Variants in ZBED5 observed in about 807,000 individuals in gnomAD.
ZBED5 encodes zinc finger BED domain-containing protein 5.
A neutral mutation model predicts 49.2 loss-of-function variants in ZBED5; 29 were observed. The ratio of observed to expected loss-of-function variants is 0.59; its 90% confidence interval spans 0.44 to 0.80. ZBED5 has a LOEUF of 0.80. Ranked by LOEUF, ZBED5 falls within the 30% of genes least tolerant of loss-of-function variation. ZBED5 has a pLI of 0.00. For synonymous variants in ZBED5, 281 were observed against 292.5 expected, an observed-to-expected ratio of 0.96 and a Z score of 0.40; for missense variants, 775 against 812.9, an observed-to-expected ratio of 0.95 and a Z score of 0.57.
rs1462358271 is a variant in ZBED5 at position 10,854,434 on chromosome 11, T to C, written c.512A>G (p.His171Arg). 5.2e-6 allele frequency: 8 copies of C among 1,551,478 alleles called. No individual in the cohort carries two copies. In the African/African-American group the frequency reaches 5.5e-5, roughly 11 times the overall value. Residue 171 changes from histidine (H) to arginine (R), a missense_variant, in exon 3 of 3, where the codon CAT (histidine) becomes CGT (arginine). By Grantham distance (29) the His-to-Arg change is conservative. Transcript: ENST00000413761. The surrounding 1 kb of genome is among the most constrained non-coding windows in gnomAD (Gnocchi z 5.0). ...TTTATTATTTTCAGGTGAATCGAGATGTTGCTTGAAAAAGCTTATGTCTTT... is the reference window on the plus strand; with the variant it reads ...TTTATTATTTTCAGGTGAATCGAGACGTTGCTTGAAAAAGCTTATGTCTTT... Reference protein sequence around the residue: ...KDKDISFFKQHLDSPENNKPP... With the variant: ...KDKDISFFKQRLDSPENNKPP...
chr11:10,852,760 T>A lies in ZBED5; in HGVS notation c.*104A>T, dbSNP rs532567827. 8 of 1,402,438 alleles carry A rather than the reference T, an allele frequency of 5.7e-6. No individual in the cohort carries two copies. The highest frequency in any genetic ancestry group is 3.0e-5 in the Admixed American group (1 of 33,600). The allele number at this position is 1,402,438 out of a possible 1,614,324, so 86.9% of individuals were successfully genotyped here. ...TTAAAATCTAAATAGTATAAAAAAA[T>A]GGAATCATTTTATTTAAATCCCCCA... is the stretch of plus-strand genomic sequence containing the variant. On this transcript the variant is annotated 3_prime_UTR_variant, in exon 3 of 3. Coordinates refer to ENST00000413761, the MANE Select transcript of ZBED5 (RefSeq NM_001143667.2).
At position 10,852,940 on chromosome 11, in the gene ZBED5, C is replaced by A; in HGVS notation, c.2006G>T (p.Arg669Leu). 1 of 1,551,466 alleles carries A rather than the reference C, an allele frequency of 6.4e-7. No individual in the cohort carries two copies. The highest frequency in any genetic ancestry group is 8.7e-7 in the Non-Finnish European group (1 of 1,146,858). ...RKRLDAAPHM[R>L]IRLSNITPNI... The stretch of plus-strand genomic sequence containing the variant: ...AGGTGTAATATTGCTAAGTCGGATT[C>A]GCATATGAGGTGCAGCATCAAGTCT... Residue 669 changes from arginine (R) to leucine (L), a missense_variant, in exon 3 of 3, where the codon CGA (arginine) becomes CTA (leucine). Arg to Leu is a moderately radical substitution (Grantham distance 102). Coordinates refer to ENST00000413761, the MANE Select transcript of ZBED5 (RefSeq NM_001143667.2).
Position 10,854,011 on chromosome 11 carries a change from TGCAAA to T in ZBED5, c.930_934del (p.Leu311LysfsTer2). On this transcript the variant is annotated frameshift_variant, in exon 3 of 3. Coordinates refer to ENST00000413761, the MANE Select transcript of ZBED5 (RefSeq NM_001143667.2). LOFTEE classifies it high-confidence loss of function. The surrounding 1 kb of genome is among the most constrained non-coding windows in gnomAD (Gnocchi z 5.0). ...TATTTCTTCACCGGTAGCATTACTTTGCAAAGATTCACACAGGAGTAGGTCTTCCT... is the reference window on the plus strand; with the variant it reads ...TATTTCTTCACCGGTAGCATTACTTTGATTCACACAGGAGTAGGTCTTCCT... 1 of 1,551,538 alleles carries T rather than the reference TGCAAA, an allele frequency of 6.4e-7. No individual in the cohort carries two copies.
rs1334139842 is a variant in ZBED5 at position 10,857,063 on chromosome 11, C to CA, written c.-256+798dup. On this transcript the variant is annotated intron_variant, in intron 1 of 2. Transcript: ENST00000413761. This position sits in a 1 kb window ranked among gnomAD's most constrained non-coding sequence, Gnocchi z 6.3. ...ATAAAGCCCTGCTTCTTATTGGGAG[C>CA]AAAAAAGCAGATTCTCCTTCCACAG... Among the ~76,000 whole-genome samples, 2 of 152,094 alleles carry CA rather than the reference C, an allele frequency of 1.3e-5. No individual in the cohort carries two copies. The highest frequency in any genetic ancestry group is 2.4e-5 in the African/African-American group (1 of 41,416).
Position 10,853,931 on chromosome 11 carries a change from C to T in ZBED5, c.1015G>A (p.Val339Ile), listed in dbSNP as rs1848139717. 1.3e-6 allele frequency: 2 copies of T among 1,551,444 alleles called. No homozygotes were observed. Among genetic ancestry groups the T allele is most frequent in the South Asian group, 2.4e-5 (2 of 84,062 alleles). Residue 339 changes from valine to isoleucine, a missense_variant, in exon 3 of 3, where the codon GTT becomes ATT. Physicochemically the swap from Val to Ile is conservative, Grantham distance 29. Coordinates refer to ENST00000413761, the MANE Select transcript of ZBED5 (RefSeq NM_001143667.2). This position sits in a 1 kb window ranked among gnomAD's most constrained non-coding sequence, Gnocchi z 5.4. ...QKHEIEWEKC[V>I]DVCSDASRAV... is the part of the protein sequence containing the mutation. The stretch of plus-strand genomic sequence containing the variant: ...CTAGAAGCATCACTACAAACATCAA[C>T]ACATTTTTCCCATTCAATTTCATGT...
chr11:10,854,585 A>C lies in ZBED5; in HGVS notation c.361T>G (p.Tyr121Asp). The C allele has an allele frequency of 3.2e-6, 5 of 1,551,288 alleles. No individual in the cohort carries two copies. Among genetic ancestry groups the C allele is most frequent in the Non-Finnish European group, 4.4e-6 (5 of 1,146,852 alleles). Reference sequence around the variant, plus strand: ...TGAGGTGCATCTCTATTTCCGAAGTAAGTAAATCCAAAAGACAAATAACTT... The same window carrying C: ...TGAGGTGCATCTCTATTTCCGAAGTCAGTAAATCCAAAAGACAAATAACTT... Reference protein sequence around the residue: ...DESYLSFGFTYFGNRDAPHAQ... With the variant: ...DESYLSFGFTDFGNRDAPHAQ... The change falls in exon 3 of 3, where the codon TAC (tyrosine) becomes GAC (aspartate). Residue 121 changes from tyrosine (Y) to aspartate (D), a missense_variant. Physicochemically the swap from Tyr to Asp is radical, Grantham distance 160. Coordinates refer to ENST00000413761, the MANE Select transcript of ZBED5 (RefSeq NM_001143667.2). This position sits in a 1 kb window ranked among gnomAD's most constrained non-coding sequence, Gnocchi z 5.0.
rs958593124 is a variant in ZBED5, at chr11:10,853,542, T to C, written c.1404A>G (p.Ser468=). The stretch of plus-strand genomic sequence containing the variant: ...GATATGCAAGTCTTAGCAGCCAAGA[T>C]GAATTTGTTAAACAATCAGATAGTC... ...AFRLSDCLTN[S]SWLLRLAYLA... is the part of the protein sequence containing the mutation. The change falls in exon 3 of 3, where the codon TCA becomes TCG. Residue 468 remains serine, a synonymous_variant. Coordinates refer to ENST00000413761, the MANE Select transcript of ZBED5 (RefSeq NM_001143667.2). The surrounding 1 kb of genome is among the most constrained non-coding windows in gnomAD (Gnocchi z 5.4). The C allele has an allele frequency of 1.3e-6, 2 of 1,549,824 alleles. No individual in the cohort carries two copies. Among genetic ancestry groups the C allele is most frequent in the Admixed American group, 2.0e-5 (1 of 50,722 alleles).
chr11:10,856,303 A>C (rs781243620), intron 1 of ZBED5, 46 bp from the exon 2 acceptor site: 1 of 152,236 alleles, frequency 6.6e-6, no homozygotes, highest in Non-Finnish European at 1.5e-5. Flanking sequence ...AAGCAGAACT[A>C]ACTATAAACC....
Position 10,854,523 on chromosome 11 carries a change from A to G in ZBED5, c.423T>C (p.Asn141=). Residue 141 remains asparagine (N), a synonymous_variant, in exon 3 of 3, where the codon AAT becomes AAC. Transcript: ENST00000413761. The surrounding 1 kb of genome is among the most constrained non-coding windows in gnomAD (Gnocchi z 5.0). ...QCVLCKKILS[N]SSLAPSKLRR... The stretch of plus-strand genomic sequence containing the variant: ...GAAGCTTACTAGGGGCTAAAGAGCT[A>G]TTTGATAAAATTTTCTTACATAATA... 2 of 1,551,568 alleles carry G rather than the reference A, an allele frequency of 1.3e-6. No homozygotes were observed. The highest frequency in any genetic ancestry group is 8.7e-7 in the Non-Finnish European group (1 of 1,146,934).
Position 10,853,036 on chromosome 11 carries a change from G to A in ZBED5, c.1910C>T (p.Pro637Leu). The change falls in exon 3 of 3, where the codon CCT (proline) becomes CTT (leucine). Residue 637 changes from proline to leucine, a missense_variant. Transcript: ENST00000413761. This position sits in a 1 kb window ranked among gnomAD's most constrained non-coding sequence, Gnocchi z 5.4. ...IARRAVRVLL[P>L]FATMHLCETG... is the part of the protein sequence containing the mutation. ...TTCACACAGGTGCATTGTAGCAAAA[G>A]GAAGAAGTACACGCACTGCACGCCT... 6.4e-7 allele frequency: 1 copy of A among 1,551,630 alleles called. No individual in the cohort carries two copies. Among genetic ancestry groups the A allele is most frequent in the Non-Finnish European group, 8.7e-7 (1 of 1,146,942 alleles).
chr11:10,853,030 G>A lies in ZBED5; in HGVS notation c.1916C>T (p.Ala639Val). Residue 639 changes from alanine to valine, a missense_variant, in exon 3 of 3, where the codon GCT (alanine) becomes GTT (valine). Physicochemically the swap from Ala to Val is moderately conservative, Grantham distance 64. Transcript: ENST00000413761. The surrounding 1 kb of genome is among the most constrained non-coding windows in gnomAD (Gnocchi z 5.4). ...CCCCGTTTCACACAGGTGCATTGTA[G>A]CAAAAGGAAGAAGTACACGCACTGC... is the stretch of plus-strand genomic sequence containing the variant. ...RRAVRVLLPF[A>V]TMHLCETGFS... is the part of the protein sequence containing the mutation. 6.4e-7 allele frequency: 1 copy of A among 1,551,630 alleles called. No individual in the cohort carries two copies. The highest frequency in any genetic ancestry group is 8.7e-7 in the Non-Finnish European group (1 of 1,146,946).
chr11:10,856,888 A>C (rs1848189137), intron 1 of ZBED5, among the ~76,000 whole-genome samples: 2 of 152,218 alleles, frequency 1.3e-5, no homozygotes, highest in Admixed American at 1.3e-4. Context: ...TGCATAGCCC[A>C]TGTGTCTAGC....
chr11:10,854,383 G>T lies in ZBED5; in HGVS notation c.563C>A (p.Thr188Lys), dbSNP rs1283935437. The change falls in exon 3 of 3, where the codon ACA becomes AAA. Residue 188 changes from threonine (T) to lysine (K), a missense_variant. By Grantham distance (78) the Thr-to-Lys change is moderately conservative (BLOSUM62 -1). Coordinates refer to ENST00000413761, the MANE Select transcript of ZBED5 (RefSeq NM_001143667.2). The surrounding 1 kb of genome is among the most constrained non-coding windows in gnomAD (Gnocchi z 5.0). ...TGCTTCTGTAGCACTTTCATTATCT[G>T]TATTCACAATTTTAGGTGTTGGGGG... Reference protein sequence around the residue: ...NKPPTPKIVNTDNESATEASY... With the variant: ...NKPPTPKIVNKDNESATEASY... 5 of 1,550,898 alleles carry T rather than the reference G, an allele frequency of 3.2e-6. No individual in the cohort carries two copies. The highest frequency in any genetic ancestry group is 1.4e-5 in the African/African-American group (1 of 73,016).
In ZBED5 at chr11:10,854,998, C is replaced by G; in HGVS notation, c.-53G>C. On this transcript the variant is annotated 5_prime_UTR_variant, in exon 3 of 3. The change abolishes an upstream ATG in the 5' untranslated region. Coordinates refer to ENST00000413761, the MANE Select transcript of ZBED5 (RefSeq NM_001143667.2). This position sits in a 1 kb window ranked among gnomAD's most constrained non-coding sequence, Gnocchi z 5.0. ...AGTTAATTTGTAAATGCTGCCTATTCATCAATGCGCAGATGGAACATCATA... is the reference window on the plus strand; with the variant it reads ...AGTTAATTTGTAAATGCTGCCTATTGATCAATGCGCAGATGGAACATCATA... 6.6e-7 allele frequency: 1 copy of G among 1,511,974 alleles called. No individual in the cohort carries two copies. Among genetic ancestry groups the G allele is most frequent in the Non-Finnish European group, 8.9e-7 (1 of 1,126,782 alleles). The allele number at this position is 1,511,974 out of a possible 1,614,324, so 93.7% of individuals were successfully genotyped here.
chr11:10,854,800 A>G lies in ZBED5; in HGVS notation c.146T>C (p.Val49Ala). 1 of 1,552,084 alleles carries G rather than the reference A, an allele frequency of 6.4e-7. No homozygotes were observed. The highest frequency in any genetic ancestry group is 8.7e-7 in the Non-Finnish European group (1 of 1,147,020). Residue 49 changes from valine (V) to alanine (A), a missense_variant, in exon 3 of 3, where the codon GTG (valine) becomes GCG (alanine). Physicochemically the swap from Val to Ala is moderately conservative, Grantham distance 64 (BLOSUM62 0). Coordinates refer to ENST00000413761, the MANE Select transcript of ZBED5 (RefSeq NM_001143667.2). The surrounding 1 kb of genome is among the most constrained non-coding windows in gnomAD (Gnocchi z 5.0). ...LLKQGSLKQE[V>A]ESFCYQIVSE... ...CACAATCTGATAACAGAAAGATTCC[A>G]CTTCTTGTTTAAGACTTCCTTGTTT...
Position 10,854,792 on chromosome 11 carries a change from A to C in ZBED5, c.154T>G (p.Phe52Val), listed in dbSNP as rs1367886501. ...GATTCAGACACAATCTGATAACAGAAAGATTCCACTTCTTGTTTAAGACTT... is the reference window on the plus strand; with the variant it reads ...GATTCAGACACAATCTGATAACAGACAGATTCCACTTCTTGTTTAAGACTT... ...QGSLKQEVES[F>V]CYQIVSESND... Residue 52 changes from phenylalanine (F) to valine (V), a missense_variant, in exon 3 of 3, where the codon TTC becomes GTC. By Grantham distance (50) the Phe-to-Val change is conservative (BLOSUM62 -1). Coordinates refer to ENST00000413761, the MANE Select transcript of ZBED5 (RefSeq NM_001143667.2). This position sits in a 1 kb window ranked among gnomAD's most constrained non-coding sequence, Gnocchi z 5.0. 6.4e-7 allele frequency: 1 copy of C among 1,552,146 alleles called. No individual in the cohort carries two copies. The highest frequency in any genetic ancestry group is 1.2e-5 in the South Asian group (1 of 84,064).
chr11:10,854,741 G>T lies in ZBED5; in HGVS notation c.205C>A (p.Gln69Lys), dbSNP rs972378559. 3.9e-6 allele frequency: 6 copies of T among 1,551,744 alleles called. No homozygotes were observed. Among genetic ancestry groups the T allele is most frequent in the Non-Finnish European group, 5.2e-6 (6 of 1,146,970 alleles). ...GGTTGCAACTGCTTATCTTCACTTT[G>T]TAATATTCCAACCTTCTGATCATTT... Reference protein sequence around the residue: ...ESNDQKVGILQSEDKQLQPSV... With the variant: ...ESNDQKVGILKSEDKQLQPSV... Residue 69 changes from glutamine to lysine, a missense_variant, in exon 3 of 3, where the codon CAA becomes AAA. Transcript: ENST00000413761. The surrounding 1 kb of genome is among the most constrained non-coding windows in gnomAD (Gnocchi z 5.0).
chr11:10,854,840 T>C lies in ZBED5; in HGVS notation c.106A>G (p.Met36Val), dbSNP rs1202682632. The C allele has an allele frequency of 1.3e-6, 2 of 1,552,036 alleles. No homozygotes were observed. Among genetic ancestry groups the C allele is most frequent in the South Asian group, 1.2e-5 (1 of 84,066 alleles). ...TMFCTTNSLP[M>V]DLLLKQGSLK... ...CTTCCTTGTTTCAGCAACAGATCCA[T>C]GGGCAATGAGTTTGTGGTACAAAAC... The change falls in exon 3 of 3, where the codon ATG becomes GTG. Residue 36 changes from methionine (M) to valine (V), a missense_variant. Physicochemically the swap from Met to Val is conservative, Grantham distance 21 (BLOSUM62 1). Coordinates refer to ENST00000413761, the MANE Select transcript of ZBED5 (RefSeq NM_001143667.2). This position sits in a 1 kb window ranked among gnomAD's most constrained non-coding sequence, Gnocchi z 5.0.
chr11:10,854,312 T>C lies in ZBED5; in HGVS notation c.634A>G (p.Thr212Ala), dbSNP rs1470751459. The change falls in exon 3 of 3, where the codon ACT becomes GCT. Residue 212 changes from threonine to alanine, a missense_variant. By Grantham distance (58) the Thr-to-Ala change is moderately conservative. Transcript: ENST00000413761. The surrounding 1 kb of genome is among the most constrained non-coding windows in gnomAD (Gnocchi z 5.0). ...YHIALSGEAH[T>A]IGELLIKPCA... ...GGTTTGATAAGCAATTCTCCAATAG[T>C]ATGAGCCTCTCCACTCAGCGCTATA... 6.4e-7 allele frequency: 1 copy of C among 1,550,820 alleles called. No individual in the cohort carries two copies. Among genetic ancestry groups the C allele is most frequent in the Non-Finnish European group, 8.7e-7 (1 of 1,146,928 alleles).
Sources: allele counts gnomAD v4.1 joint callset (sites outside exome capture counted in the v4.1 genomes callset), GRCh38; gene constraint gnomAD v4.1.1; non-coding constraint Gnocchi (gnomAD v3.1); transcripts MANE v1.5; gene names NCBI Gene and HGNC (gene_info 2026-07-23, HGNC 2026-07-21).